MACROD2: variants seen among roughly 807,000 people sequenced by gnomAD.
MACROD2 encodes the protein ADP-ribose glycohydrolase MACROD2.
MACROD2 carries 36 observed loss-of-function variants against 70.4 expected under a neutral mutation model. That is an observed-to-expected ratio of 0.51 (90% CI 0.39 to 0.68). The LOEUF is 0.68. Among genes scored for constraint, MACROD2 ranks in the 30% least tolerant of loss-of-function variants. The pLI, the probability that MACROD2 is intolerant of heterozygous loss-of-function variation, is 0.00. For synonymous variants in MACROD2, 172 were observed against 178.8 expected (o/e 0.96, Z 0.30); for missense variants, 496 against 538.4 (o/e 0.92, Z 0.78).
chr20:14,347,089 G>A (rs763812284), intron 3 of MACROD2, among the ~76,000 whole-genome samples: 25 of 152,180 alleles, frequency 1.6e-4, no homozygotes, highest in Non-Finnish European at 3.1e-4. Context: ...ATCACAAAAC[G>A]TATTTGAAAT....
At chr20:15,928,941 A>C (rs1314932215) in intron 10 of MACROD2, among the ~76,000 whole-genome samples, 4 of 152,188 alleles carry the variant, frequency 2.6e-5, no homozygotes, top group Non-Finnish European at 1.5e-5. Flanking sequence ...TTTATAAAAG[A>C]GTGCTAATTT....
intron 4 of MACROD2, among the ~76,000 whole-genome samples, chr20:14,580,718 T>TTC (rs1379810197): frequency 6.6e-6 from 1 of 152,206 alleles, no homozygotes; most frequent in African/African-American, 2.4e-5. Flanking sequence ...AGGACCTACT[T>TTC]TTCTACCAAA....
chr20:14,820,665 G>C (rs1350435966), intron 5 of MACROD2, among the ~76,000 whole-genome samples: 3 of 151,994 alleles, frequency 2.0e-5, no homozygotes, highest in Non-Finnish European at 4.4e-5. Flanking sequence ...TAGCCAGTTA[G>C]TTACATTAGT....
intron 5 of MACROD2, among the ~76,000 whole-genome samples, chr20:15,049,021 A>T (rs904622483): frequency 6.6e-6 from 1 of 151,814 alleles, no homozygotes; most frequent in African/African-American, 2.4e-5. Context: ...TCTTTTTAAA[A>T]TTTTTCTTTG....
At chr20:15,329,803 A>T (rs557280666) in intron 6 of MACROD2, among the ~76,000 whole-genome samples, 26 of 152,150 alleles carry the variant, frequency 1.7e-4, no homozygotes, top group African/African-American at 6.0e-4. Context: ...TGAAACAGAA[A>T]CGCTGATGGC....
rs961810209 is a variant in MACROD2, at chr20:15,198,212, G to A, written c.419-31728G>A. 4.6e-5 allele frequency among the ~76,000 whole-genome samples: 7 copies of A among 152,050 alleles called. 1 individual carries two copies. Among genetic ancestry groups the A allele is most frequent in the Non-Finnish European group, 1.5e-5 (1 of 68,018 alleles). On this transcript the variant is annotated intron_variant, in intron 5 of 17. Coordinates refer to ENST00000684519, the MANE Select transcript of MACROD2 (RefSeq NM_001351661.2). ...CTGACCTCGTGATCCACCCGCCTCA[G>A]CCTCCCAGAGTGTTTGAATTACAGG...
intron 2 of MACROD2, among the ~76,000 whole-genome samples, chr20:14,078,466 G>A (rs1217681795): frequency 6.6e-6 from 1 of 151,908 alleles, no homozygotes; most frequent in East Asian, 1.9e-4. Context: ...GAGTACAATG[G>A]CGCGATCTCG....
intron 3 of MACROD2, among the ~76,000 whole-genome samples, chr20:14,113,592 A>G (rs541037599): frequency 1.3e-5 from 2 of 152,190 alleles, no homozygotes; most frequent in African/African-American, 4.8e-5. Flanking sequence ...ATTCCAGTTC[A>G]AAATGGATCT....
intron 8 of MACROD2, among the ~76,000 whole-genome samples, chr20:15,705,999 T>C (rs2050526411): frequency 6.6e-6 from 1 of 152,212 alleles, no homozygotes; most frequent in African/African-American, 2.4e-5. Flanking sequence ...CATAAAGATA[T>C]TTTGCAAATA....
chr20:14,430,937 A>G lies in MACROD2; in HGVS notation c.272-62542A>G, dbSNP rs997212659. Among the ~76,000 whole-genome samples the G allele has an allele frequency of 3.3e-5, 5 of 152,186 alleles. No individual in the cohort carries two copies. In the East Asian group the frequency reaches 9.7e-4, roughly 29 times the overall value. ...ACTTTTGGAGCTTGGAAGCCGCATG[A>G]TGGGAATTTTTAAAGACTAGGGAGA... On this transcript the variant is annotated intron_variant, in intron 3 of 17. Coordinates refer to ENST00000684519, the MANE Select transcript of MACROD2 (RefSeq NM_001351661.2).
chr20:15,460,995 T>TAG, intron 7 of MACROD2, among the ~76,000 whole-genome samples: 1 of 83,560 alleles, frequency 1.2e-5, no homozygotes. Flanking sequence ...TATATATATA[T>TAG]ATATATATAT....
intron 12 of MACROD2, among the ~76,000 whole-genome samples, chr20:15,938,767 G>A (rs1465568980): frequency 1.3e-5 from 2 of 152,146 alleles, no homozygotes; most frequent in Non-Finnish European, 1.5e-5. Flanking sequence ...TAGGTATGTT[G>A]AAATCTGAGA....
intron 5 of MACROD2, among the ~76,000 whole-genome samples, chr20:15,145,682 G>A (rs180701349): frequency 9.2e-5 from 14 of 152,184 alleles, no homozygotes; most frequent in African/African-American, 2.9e-4. Flanking sequence ...CCATTACCAC[G>A]ACATTTAAAT....
At chr20:15,357,657 T>A (rs1192526016) in intron 6 of MACROD2, among the ~76,000 whole-genome samples, 3 of 152,168 alleles carry the variant, frequency 2.0e-5, no homozygotes, top group Admixed American at 6.5e-5. Flanking sequence ...CTTATCCACG[T>A]TTCTTAGAAT....
rs2073083145 is a variant in MACROD2 at position 14,841,181 on chromosome 20, T to TTC, written c.418+156223_418+156224insCT. ...GTGAAAATAGAGAACTCAGTTATAGTTAAATGACTGATGTTCTATAAGATA... is the reference window on the plus strand; with the variant it reads ...GTGAAAATAGAGAACTCAGTTATAGTTCTAAATGACTGATGTTCTATAAGATA... On this transcript the variant is annotated intron_variant, in intron 5 of 17. Coordinates refer to ENST00000684519, the MANE Select transcript of MACROD2 (RefSeq NM_001351661.2). Among the ~76,000 whole-genome samples the TTC allele has an allele frequency of 3.0e-4, 46 of 152,262 alleles. 1 individual carries two copies. The highest frequency in any genetic ancestry group is 2.6e-3 in the Admixed American group (40 of 15,290).
At chr20:15,118,434 G>A (rs908189322) in intron 5 of MACROD2, among the ~76,000 whole-genome samples, 24 of 152,042 alleles carry the variant, frequency 1.6e-4, no homozygotes, top group African/African-American at 3.9e-4. Flanking sequence ...CTCATGATCC[G>A]CCCGCCTTGG....
chr20:13,999,136 C>T (rs773831990), intron 1 of MACROD2, among the ~76,000 whole-genome samples: 2 of 152,000 alleles, frequency 1.3e-5, no homozygotes, highest in Non-Finnish European at 2.9e-5. Context: ...TGCTCTTTAT[C>T]CCATATCTTC....
At chr20:15,863,784 C>T (rs1447248941) in intron 9 of MACROD2, among the ~76,000 whole-genome samples, 1 of 152,094 alleles carries the variant, frequency 6.6e-6, no homozygotes, top group Non-Finnish European at 1.5e-5. Flanking sequence ...GGATGCCTTG[C>T]CTGTAGATCA....
At chr20:16,019,324 G>A (rs117068426) in intron 15 of MACROD2, among the ~76,000 whole-genome samples, 1,719 of 152,304 alleles carry the variant, frequency 0.011, 17 homozygotes, top group Non-Finnish European at 0.018. Flanking sequence ...TGCATCTGAG[G>A]AGCCACACTG....
Sources: gnomAD v4.1 joint callset for allele counts (sites outside exome capture counted in the v4.1 genomes callset) on GRCh38, gnomAD v4.1.1 for gene constraint, MANE v1.5 for transcripts, NCBI Gene and HGNC (gene_info 2026-07-23, HGNC 2026-07-21) for gene names.